RAD51AP1: variants seen among roughly 807,000 people sequenced by gnomAD.
RAD51AP1 encodes RAD51 associated protein 1.
Under a neutral mutation model 34.3 loss-of-function variants are expected in RAD51AP1, and 14 were observed. That is an observed-to-expected ratio of 0.41 (90% CI 0.27 to 0.64). RAD51AP1 has a LOEUF of 0.64. Among genes scored for constraint, RAD51AP1 ranks in the 30% least tolerant of loss-of-function variants. RAD51AP1 has a pLI of 0.33. For synonymous variants in RAD51AP1, 114 were observed against 129.8 expected, an observed-to-expected ratio of 0.88 and a Z score of 0.83; for missense variants, 348 against 386.9, an observed-to-expected ratio of 0.90 and a Z score of 0.84.
chr12:4,556,519 A>C lies in RAD51AP1; in HGVS notation c.871+17A>C. On this transcript the variant is annotated intron_variant, in intron 8 of 8. Transcript: ENST00000352618. ...TCCCACCAGGTATGGCATATTTATCATCAAGGACAGGAGCTTGGAAAATTA... is the reference window on the plus strand; with the variant it reads ...TCCCACCAGGTATGGCATATTTATCCTCAAGGACAGGAGCTTGGAAAATTA... 6.2e-7 allele frequency: 1 copy of C among 1,609,030 alleles called. No individual in the cohort carries two copies.
chr12:4,552,450 A>G (rs919539790), intron 6 of RAD51AP1, among the ~76,000 whole-genome samples: 2 of 152,196 alleles, frequency 1.3e-5, no homozygotes, highest in Admixed American at 1.3e-4. Flanking sequence ...ATTGTTGTGT[A>G]TGGTTATCTC....
chr12:4,559,168 T>TG lies in RAD51AP1; in HGVS notation c.*175_*176insG. 3.0e-6 allele frequency: 2 copies of TG among 663,692 alleles called. No homozygotes were observed. Among genetic ancestry groups the TG allele is most frequent in the Admixed American group, 3.4e-5 (1 of 29,326 alleles). The allele number at this position is 663,692 out of a possible 1,614,324, so 41.1% of individuals were successfully genotyped here. The stretch of plus-strand genomic sequence containing the variant: ...TGTTCTCTGTAAAACTCTTCAAGAC[T>TG]TCAATGAGAAGTTTGTTTATAAGAA... On this transcript the variant is annotated 3_prime_UTR_variant, in exon 9 of 9. Transcript: ENST00000352618.
intron 5 of RAD51AP1, among the ~76,000 whole-genome samples, chr12:4,548,433 A>G (rs1375985363): frequency 6.6e-6 from 1 of 152,152 alleles, no homozygotes; most frequent in Non-Finnish European, 1.5e-5. Context: ...GCATATTCCC[A>G]ATTCTAGTTT....
At chr12:4,542,437 T>C (rs1359198343) in intron 2 of RAD51AP1, among the ~76,000 whole-genome samples, 1 of 152,250 alleles carries the variant, frequency 6.6e-6, no homozygotes, top group Non-Finnish European at 1.5e-5. Flanking sequence ...TTAATATTTC[T>C]TTCTTAGACC....
intron 8 of RAD51AP1, 52 bp downstream of exon 8, chr12:4,556,554 A>T (rs1448368311): frequency 6.3e-7 from 1 of 1,580,968 alleles, no homozygotes; most frequent in Non-Finnish European, 8.6e-7. Flanking sequence ...ATCACTGGTA[A>T]ATTTTTTTCC....
At chr12:4,550,047 A>G (rs1944535144) in intron 6 of RAD51AP1, among the ~76,000 whole-genome samples, 2 of 152,236 alleles carry the variant, frequency 1.3e-5, no homozygotes, top group Admixed American at 1.3e-4. Context: ...GGGAAAGAAA[A>G]GAGAAAATTG....
At chr12:4,543,944 G>A (rs779240961) in intron 3 of RAD51AP1, 40 bp downstream of exon 3, 2 of 1,516,722 alleles carry the variant, frequency 1.3e-6, no homozygotes, top group East Asian at 2.3e-5. Context: ...GACATTAGAT[G>A]TGTTAATTTT....
At chr12:4,557,063 A>C (rs1189790411) in intron 8 of RAD51AP1, among the ~76,000 whole-genome samples, 3 of 152,164 alleles carry the variant, frequency 2.0e-5, no homozygotes, top group Non-Finnish European at 4.4e-5. Context: ...GACATTACTA[A>C]AACCCTAATC....
intron 3 of RAD51AP1, among the ~76,000 whole-genome samples, chr12:4,544,481 T>A (rs1270864873): frequency 6.6e-6 from 1 of 152,152 alleles, no homozygotes; most frequent in Non-Finnish European, 1.5e-5. Context: ...AAGGGGAATA[T>A]TAACAAATGG....
At chr12:4,545,144 G>A in intron 3 of RAD51AP1, 1 of 418,584 alleles carries the variant, frequency 2.4e-6, no homozygotes, top group Non-Finnish European at 4.7e-6. Flanking sequence ...AAAAAAAATG[G>A]AGGCAATCTA....
intron 3 of RAD51AP1, chr12:4,545,913 G>A: frequency 6.7e-7 from 1 of 1,503,348 alleles, no homozygotes; most frequent in Non-Finnish European, 9.1e-7. Flanking sequence ...TTAATTTAAT[G>A]TAAGAGCTAT....
intron 1 of RAD51AP1, 147 bp downstream of exon 1, chr12:4,539,103 C>T: frequency 1.2e-6 from 1 of 820,516 alleles, no homozygotes; most frequent in Non-Finnish European, 1.9e-6. Context: ...CCAGTGAGAG[C>T]CACCCGTTGC....
chr12:4,546,217 C>T (rs1207263523), intron 3 of RAD51AP1, 92 bp from the exon 4 acceptor site: 7 of 961,804 alleles, frequency 7.3e-6, no homozygotes, highest in Admixed American at 2.4e-5. Flanking sequence ...GTTAGCAACT[C>T]TTGAATAGTA....
At chr12:4,540,438 T>G (rs1944457497) in intron 1 of RAD51AP1, among the ~76,000 whole-genome samples, 1 of 152,114 alleles carries the variant, frequency 6.6e-6, no homozygotes, top group Non-Finnish European at 1.5e-5. Flanking sequence ...TTCGCTGCTT[T>G]GTCATTTGCA....
chr12:4,549,436 ATTTTGATATAC>A (rs1454007052), intron 6 of RAD51AP1, among the ~76,000 whole-genome samples: 1 of 152,212 alleles, frequency 6.6e-6, no homozygotes, highest in Non-Finnish European at 1.5e-5. Flanking sequence ...CATATTTTAG[ATTTTGATATAC>A]TATCAACAAA....
chr12:4,552,015 C>G (rs1944550514), intron 6 of RAD51AP1, among the ~76,000 whole-genome samples: 1 of 152,084 alleles, frequency 6.6e-6, no homozygotes, highest in Non-Finnish European at 1.5e-5. Flanking sequence ...GTGGTTATCT[C>G]TGAGTGGTGA....
chr12:4,545,712 T>C, intron 3 of RAD51AP1: 1 of 1,563,050 alleles, frequency 6.4e-7, no homozygotes, highest in Non-Finnish European at 8.8e-7. Context: ...TGAATAGGAC[T>C]TTATAGTCTG....
intron 7 of RAD51AP1, among the ~76,000 whole-genome samples, chr12:4,554,221 T>C (rs893352179): frequency 1.3e-5 from 2 of 152,202 alleles, no homozygotes; most frequent in African/African-American, 4.8e-5. Flanking sequence ...GTGCATTTCT[T>C]GGCTTGTGGC....
At chr12:4,550,288 T>C (rs941262476) in intron 6 of RAD51AP1, among the ~76,000 whole-genome samples, 1 of 152,254 alleles carries the variant, frequency 6.6e-6, no homozygotes, top group Non-Finnish European at 1.5e-5. Context: ...CTGTTTATCC[T>C]CTTGAGCCAA....
Sources: allele counts gnomAD v4.1 joint callset (sites outside exome capture counted in the v4.1 genomes callset), GRCh38; gene constraint gnomAD v4.1.1; transcripts MANE v1.5; gene names NCBI Gene and HGNC (gene_info 2026-07-23, HGNC 2026-07-21).